CILK1: variants seen among roughly 807,000 people sequenced by gnomAD.
CILK1 encodes the protein serine/threonine-protein kinase ICK.
CILK1 carries 47 observed loss-of-function variants against 79.2 expected under a neutral mutation model. That is an observed-to-expected ratio of 0.59 (90% CI 0.47 to 0.76). The LOEUF is 0.76. Among genes scored for constraint, CILK1 ranks in the 30% least tolerant of loss-of-function variants. CILK1 has a pLI of 0.00. For synonymous variants in CILK1, 266 were observed against 275.9 expected, an observed-to-expected ratio of 0.96 and a Z score of 0.36; for missense variants, 660 against 769.5, an observed-to-expected ratio of 0.86 and a Z score of 1.68.
chr6:53,035,038 G>A (rs1180124476), intron 3 of CILK1, among the ~76,000 whole-genome samples: 1 of 152,162 alleles, frequency 6.6e-6, no homozygotes, highest in Non-Finnish European at 1.5e-5. Flanking sequence ...GACTTTGGCT[G>A]GAGAAGTGGG....
chr6:53,037,010 C>T (rs1284334214), intron 3 of CILK1, among the ~76,000 whole-genome samples: 1 of 152,120 alleles, frequency 6.6e-6, no homozygotes, highest in Non-Finnish European at 1.5e-5. Flanking sequence ...GACTATCTGG[C>T]CCTTTACAGA....
chr6:53,017,685 G>A (rs940222430), intron 7 of CILK1, among the ~76,000 whole-genome samples: 6 of 152,160 alleles, frequency 3.9e-5, no homozygotes, highest in Non-Finnish European at 7.3e-5. Flanking sequence ...GACACAGGGG[G>A]GTGACTGTGG....
In CILK1 at chr6:53,011,846, G is replaced by T. The variant is rs1267886724; in HGVS notation, c.1415C>A (p.Ser472Ter). ...GGTGGGCGTGTCTCGCCGCTGATAT[G>T]ACGTCTGGGTGGGGGCACTGTTTCC... ...GTGNSAPTQT[S>*]YQRRDTPTLR... The change falls in exon 11 of 14, where the codon TCA (serine) becomes TAA (stop). Residue 472 changes from serine (S) to a stop codon, truncating the protein, a stop_gained. Transcript: ENST00000676107. LOFTEE classifies it high-confidence loss of function. 6.2e-7 allele frequency: 1 copy of T among 1,614,080 alleles called. No homozygotes were observed. Among genetic ancestry groups the T allele is most frequent in the Non-Finnish European group, 8.5e-7 (1 of 1,180,052 alleles).
Position 53,041,359 on chromosome 6 carries a change from T to G in CILK1, c.-123A>C, listed in dbSNP as rs1026797059. ...GGCAGCACCAGCACAAGGTATTCAA[T>G]AGGACGTGACTGTCTCCCAAATACA... On this transcript the variant is annotated 5_prime_UTR_variant, in exon 2 of 14. Transcript: ENST00000676107. 1 of 732,548 alleles carries G rather than the reference T, an allele frequency of 1.4e-6. No individual in the cohort carries two copies. The highest frequency in any genetic ancestry group is 2.5e-6 in the Non-Finnish European group (1 of 400,592). The allele number at this position is 732,548 out of a possible 1,614,324, so 45.4% of individuals were successfully genotyped here.
chr6:53,060,886 AC>A (rs1768387437), intron 1 of CILK1: 2 of 152,214 alleles, frequency 1.3e-5, no homozygotes, highest in South Asian at 4.1e-4. Context: ...AAAGAGTTCT[AC>A]CGGCCAAACA....
At chr6:53,034,028 C>T (rs1035846494) in intron 3 of CILK1, among the ~76,000 whole-genome samples, 1 of 152,204 alleles carries the variant, frequency 6.6e-6, no homozygotes, top group Admixed American at 6.5e-5. Context: ...CCTGGTTCTC[C>T]ATGAGTAACA....
chr6:53,041,338 G>T lies in CILK1; in HGVS notation c.-102C>A. On this transcript the variant is annotated 5_prime_UTR_variant, in exon 2 of 14. In the 5' UTR this introduces an upstream ATG that the reference lacks. Transcript: ENST00000676107. ...AGTGTAACCAGATTTTTCGATGGCA[G>T]CACCAGCACAAGGTATTCAATAGGA... 1 of 784,018 alleles carries T rather than the reference G, an allele frequency of 1.3e-6. No homozygotes were observed. The highest frequency in any genetic ancestry group is 2.3e-6 in the Non-Finnish European group (1 of 439,080). The allele number at this position is 784,018 out of a possible 1,614,324, so 48.6% of individuals were successfully genotyped here.
chr6:53,025,309 C>T (rs1765503519), intron 5 of CILK1, among the ~76,000 whole-genome samples: 1 of 152,152 alleles, frequency 6.6e-6, no homozygotes, highest in South Asian at 2.1e-4. Flanking sequence ...ATGGCAACTC[C>T]CTCTGGCATC....
intron 5 of CILK1, among the ~76,000 whole-genome samples, chr6:53,023,319 G>A (rs959734730): frequency 6.6e-6 from 1 of 152,188 alleles, no homozygotes; most frequent in African/African-American, 2.4e-5. Context: ...AGTGGCAGGA[G>A]CACTGTGGTC....
intron 12 of CILK1, among the ~76,000 whole-genome samples, chr6:53,008,427 C>A (rs1220932216): frequency 1.4e-5 from 2 of 140,604 alleles, no homozygotes; most frequent in Admixed American, 1.4e-4. Flanking sequence ...CCAAGTTCAA[C>A]TTTTTTTTTT....
intron 1 of CILK1, among the ~76,000 whole-genome samples, chr6:53,058,900 G>C (rs1046650550): frequency 6.6e-6 from 1 of 151,988 alleles, no homozygotes; most frequent in Non-Finnish European, 1.5e-5. Flanking sequence ...AAATGGAGGA[G>C]ACTGCTGCAA....
Position 53,041,271 on chromosome 6 carries a change from G to T in CILK1, c.-35C>A. ...GCTCAGGCCGGACACTCATCTCACGGCCGAAGTGGTTCAGTTCTGCAGTGG... is the reference window on the plus strand; with the variant it reads ...GCTCAGGCCGGACACTCATCTCACGTCCGAAGTGGTTCAGTTCTGCAGTGG... On this transcript the variant is annotated 5_prime_UTR_variant, in exon 2 of 14. Coordinates refer to ENST00000676107, the MANE Select transcript of CILK1 (RefSeq NM_014920.5). 1 of 1,507,404 alleles carries T rather than the reference G, an allele frequency of 6.6e-7. No homozygotes were observed. 93.4% of individuals were successfully genotyped at this position (1,507,404 alleles called of 1,614,324 possible). A position where few individuals can be genotyped will look rare whatever the true frequency, so the allele number is the denominator to read the frequency against.
chr6:53,049,009 C>T (rs983000438), intron 1 of CILK1, among the ~76,000 whole-genome samples: 6 of 152,320 alleles, frequency 3.9e-5, no homozygotes, highest in South Asian at 4.1e-4. Flanking sequence ...AGGGCTGAGG[C>T]AGAGACGGCT....
intron 5 of CILK1, among the ~76,000 whole-genome samples, chr6:53,030,465 T>C (rs1303429093): frequency 1.3e-5 from 2 of 152,246 alleles, no homozygotes; most frequent in African/African-American, 2.4e-5. Flanking sequence ...ACATTTTGCA[T>C]GGTCTGACAA....
At chr6:53,020,964 C>T (rs1336214976) in intron 5 of CILK1, among the ~76,000 whole-genome samples, 1 of 152,154 alleles carries the variant, frequency 6.6e-6, no homozygotes, top group African/African-American at 2.4e-5. Context: ...TTTCTAGGTA[C>T]CTTGCAGTTA....
intron 3 of CILK1, among the ~76,000 whole-genome samples, chr6:53,034,385 G>A (rs1223173493): frequency 6.6e-6 from 1 of 152,154 alleles, no homozygotes; most frequent in Non-Finnish European, 1.5e-5. Context: ...TTTGTGTGGG[G>A]GACGTCAAGT....
At chr6:53,036,487 C>T (rs887413061) in intron 3 of CILK1, among the ~76,000 whole-genome samples, 5 of 152,194 alleles carry the variant, frequency 3.3e-5, no homozygotes, top group African/African-American at 1.2e-4. Flanking sequence ...ACAATCTCAG[C>T]TCACTGCAAC....
chr6:53,029,338 G>C (rs552149389), intron 5 of CILK1, among the ~76,000 whole-genome samples: 2 of 152,108 alleles, frequency 1.3e-5, no homozygotes, highest in African/African-American at 2.4e-5. Context: ...TGTGAATAAA[G>C]GCCCAAGTAC....
At chr6:53,023,279 A>G (rs1484447751) in intron 5 of CILK1, among the ~76,000 whole-genome samples, 1 of 152,158 alleles carries the variant, frequency 6.6e-6, no homozygotes, top group Non-Finnish European at 1.5e-5. Context: ...GGCAGAGGCC[A>G]CATTTATATT....
Sources: gnomAD v4.1 joint callset for allele counts (sites outside exome capture counted in the v4.1 genomes callset) on GRCh38, gnomAD v4.1.1 for gene constraint, MANE v1.5 for transcripts, NCBI Gene and HGNC (gene_info 2026-07-23, HGNC 2026-07-21) for gene names.